ZNF625: variants seen among roughly 807,000 people sequenced by gnomAD.
ZNF625 encodes zinc finger protein 625.
In ZNF625, 8 loss-of-function variants were observed where a neutral mutation model predicts 11.1. The ratio of observed to expected loss-of-function variants is 0.72; its 90% CI spans 0.42 to 1.30. The LOEUF is 1.30. Among genes scored for constraint, ZNF625 ranks in the 50% most tolerant of loss-of-function variants. ZNF625 has a pLI of 0.01. For synonymous variants in ZNF625, 145 were observed against 153.4 expected, an observed-to-expected ratio of 0.95 and a Z score of 0.41; for missense variants, 349 against 447.6, an observed-to-expected ratio of 0.78 and a Z score of 1.99.
intron 2 of ZNF625, 22 bp downstream of exon 2, chr19:12,147,653 GA>G (rs776943505): frequency 6.2e-7 from 1 of 1,613,322 alleles, no homozygotes; most frequent in African/African-American, 1.3e-5. Context: ...ATTCACTGAG[GA>G]AAGTAATATT....
At chr19:12,150,034 C>T (rs868539949) in intron 1 of ZNF625, among the ~76,000 whole-genome samples, 32 of 152,168 alleles carry the variant, frequency 2.1e-4, no homozygotes, top group African/African-American at 6.3e-4. Flanking sequence ...CCACCACGCC[C>T]GGCCCGACCT....
intron 1 of ZNF625, among the ~76,000 whole-genome samples, chr19:12,150,197 A>G (rs183500970): frequency 1.2e-4 from 19 of 152,306 alleles, no homozygotes; most frequent in African/African-American, 4.1e-4. Flanking sequence ...CAAATACATC[A>G]TGGTGGACAC....
chr19:12,154,485 C>G (rs1401466691), intron 1 of ZNF625, among the ~76,000 whole-genome samples: 1 of 152,158 alleles, frequency 6.6e-6, no homozygotes, highest in African/African-American at 2.4e-5. Context: ...AGGTGTGGGA[C>G]ACTGCACTAG....
At chr19:12,151,581 G>A (rs1257613295) in intron 1 of ZNF625, among the ~76,000 whole-genome samples, 9 of 151,876 alleles carry the variant, frequency 5.9e-5, no homozygotes, top group Admixed American at 1.3e-4. Flanking sequence ...GGGTTTCACC[G>A]TGTTAGCCAA....
intron 1 of ZNF625, among the ~76,000 whole-genome samples, chr19:12,153,222 G>A (rs1432968806): frequency 6.6e-6 from 1 of 151,816 alleles, no homozygotes; most frequent in East Asian, 1.9e-4. Flanking sequence ...GCGGTGGCAG[G>A]AGCCTGTAAT....
chr19:12,147,881 T>G (rs1164134003), intron 1 of ZNF625, 79 bp from the exon 2 acceptor site: 3 of 1,554,570 alleles, frequency 1.9e-6, no homozygotes, highest in South Asian at 2.5e-5. Flanking sequence ...CTACAAAGTT[T>G]CCATGGTGCT....
intron 1 of ZNF625, among the ~76,000 whole-genome samples, chr19:12,152,491 C>T (rs1286347354): frequency 1.3e-5 from 2 of 152,084 alleles, no homozygotes; most frequent in African/African-American, 4.8e-5. Context: ...GCAAACAACA[C>T]AAGAACATCA....
Position 12,156,637 on chromosome 19 carries a change from C to A in ZNF625, c.-79G>T. 8.1e-7 allele frequency: 1 copy of A among 1,233,922 alleles called. No individual in the cohort carries two copies. Among genetic ancestry groups the A allele is most frequent in the Non-Finnish European group, 1.0e-6 (1 of 981,010 alleles). The allele number at this position is 1,233,922 out of a possible 1,614,324, so 76.4% of individuals were successfully genotyped here. ...AGTCACAGTGCGGGCGATGGAGCGA[C>A]AGAAGCTATGGCGGAGGCACCTGGT... On this transcript the variant is annotated 5_prime_UTR_variant, in exon 1 of 4. Transcript: ENST00000439556.
chr19:12,156,683 C>A lies in ZNF625; in HGVS notation c.-125G>T. The A allele has an allele frequency of 1.0e-6, 1 of 976,248 alleles. No homozygotes were observed. The allele number at this position is 976,248 out of a possible 1,614,324, so 60.5% of individuals were successfully genotyped here. ...CTGGTCCCTCTCGGGGCCGGAAAAC[C>A]GAGATCCCGACCTCCCTTTGGTGCA... On this transcript the variant is annotated 5_prime_UTR_variant, in exon 1 of 4. Coordinates refer to ENST00000439556, the MANE Select transcript of ZNF625 (RefSeq NM_145233.4).
intron 1 of ZNF625, among the ~76,000 whole-genome samples, chr19:12,155,348 A>AT (rs1568391617): frequency 6.6e-6 from 1 of 152,196 alleles, no homozygotes; most frequent in Non-Finnish European, 1.5e-5. Flanking sequence ...CTAGTGAAAC[A>AT]TATCTGTTTT....
intron 1 of ZNF625, among the ~76,000 whole-genome samples, chr19:12,154,788 C>G (rs563251343): frequency 2.6e-5 from 4 of 152,298 alleles, no homozygotes; most frequent in Non-Finnish European, 5.9e-5. Flanking sequence ...AACTGAGTGG[C>G]TCTTTACCAA....
In ZNF625 at chr19:12,146,243, A is replaced by G. The variant is rs1158806427; in HGVS notation, c.192-19T>C. 2.5e-6 allele frequency: 4 copies of G among 1,600,654 alleles called. No homozygotes were observed. The Admixed American group carries it at 5.1e-5, about 20-fold the overall frequency. ...AAGACCTCTGTGAACAATGAGAAGT[A>G]TATCATAATGGGTTCCTTTATCACT... is the stretch of plus-strand genomic sequence containing the variant. On this transcript the variant is annotated intron_variant, in intron 3 of 3. Transcript: ENST00000439556.
intron 1 of ZNF625, among the ~76,000 whole-genome samples, chr19:12,150,128 T>C (rs1252135913): frequency 6.6e-6 from 1 of 152,180 alleles, no homozygotes; most frequent in Non-Finnish European, 1.5e-5. Flanking sequence ...TAGAAAAGTT[T>C]CCAATGCAGC....
At chr19:12,154,408 C>T (rs1156869603) in intron 1 of ZNF625, among the ~76,000 whole-genome samples, 1 of 151,984 alleles carries the variant, frequency 6.6e-6, no homozygotes, top group African/African-American at 2.4e-5. Context: ...CTTGTATTAC[C>T]AAGGCTGGTC....
rs745399357 is a variant in ZNF625 at position 12,145,944 on chromosome 19, T to G, written c.472A>C (p.Thr158Pro). The G allele has an allele frequency of 1.9e-6, 3 of 1,614,176 alleles. No individual in the cohort carries two copies. Among genetic ancestry groups the G allele is most frequent in the Non-Finnish European group, 2.5e-6 (3 of 1,180,022 alleles). ...TCACAATCATAAGGTTTCCCCCCAG[T>G]GTGAGCCCATTCATGTGTTCGAAAG... ...PYFRTHEWAH[T>P]GGKPYDCEEC... Residue 158 changes from threonine (T) to proline (P), a missense_variant, in exon 4 of 4, where the codon ACT becomes CCT. By Grantham distance (38) the Thr-to-Pro change is conservative (BLOSUM62 -1). Coordinates refer to ENST00000439556, the MANE Select transcript of ZNF625 (RefSeq NM_145233.4).
In ZNF625 at chr19:12,145,400, GCTTTAC is replaced by G. The variant is rs1372088261; in HGVS notation, c.1010_1015del (p.Gly337_Lys338del). On this transcript the variant is annotated inframe_deletion, in exon 4 of 4. Transcript: ENST00000439556. ...TTTAACGCTCGAGGCACATCCAAAG[GCTTTAC>G]CACATTGTTTACATTCATAGGGTTT... The G allele has an allele frequency of 1.2e-6, 2 of 1,614,146 alleles. No homozygotes were observed. The highest frequency in any genetic ancestry group is 1.7e-6 in the Non-Finnish European group (2 of 1,180,030).
rs1230351359 is a variant in ZNF625 at position 12,145,613 on chromosome 19, G to A, written c.803C>T (p.Thr268Ile). The A allele has an allele frequency of 1.2e-6, 2 of 1,613,994 alleles. No individual in the cohort carries two copies. The highest frequency in any genetic ancestry group is 2.2e-5 in the East Asian group (1 of 44,884). Residue 268 changes from threonine (T) to isoleucine (I), a missense_variant, in exon 4 of 4, where the codon ACT becomes ATT. Transcript: ENST00000439556. ...TTCATACGGCTTCTCCCCAGTGTGAGTTATTTTATGTGCATGGAGGCATGT... is the reference window on the plus strand; with the variant it reads ...TTCATACGGCTTCTCCCCAGTGTGAATTATTTTATGTGCATGGAGGCATGT... ...SSTCLHAHKI[T>I]HTGEKPYECK... is the part of the protein sequence containing the mutation.
intron 1 of ZNF625, among the ~76,000 whole-genome samples, chr19:12,151,375 TA>T (rs1976953032): frequency 2.2e-5 from 3 of 137,522 alleles, no homozygotes; most frequent in Admixed American, 7.3e-5. Context: ...CACACCTGGG[TA>T]ATTTTTTTTT....
intron 1 of ZNF625, among the ~76,000 whole-genome samples, chr19:12,148,130 C>T (rs142295855): frequency 6.6e-6 from 1 of 152,098 alleles, no homozygotes; most frequent in Non-Finnish European, 1.5e-5. Context: ...TAGGCGCCTG[C>T]CACCACGCAC....
Sources: allele counts gnomAD v4.1 joint callset (sites outside exome capture counted in the v4.1 genomes callset), GRCh38; gene constraint gnomAD v4.1.1; transcripts MANE v1.5; gene names NCBI Gene and HGNC (gene_info 2026-07-23, HGNC 2026-07-21).